FMO2: variants seen among roughly 807,000 people sequenced by gnomAD.
The protein encoded by FMO2 is flavin containing dimethylaniline monoxygenase 2.
In FMO2, 33 loss-of-function variants were observed where a neutral mutation model predicts 41.6. The observed-to-expected ratio is 0.79, with a 90% CI of 0.60 to 1.06. The LOEUF (loss-of-function observed/expected upper bound fraction) is 1.06, where lower values mean the gene tolerates loss of function less well. FMO2 is among the 50% of genes least tolerant of loss of function. The pLI is 0.00. For missense variants in FMO2, 619 were observed against 632.9 expected, an observed-to-expected ratio of 0.98 and a Z score of 0.23; for synonymous variants, 214 against 219.6, an observed-to-expected ratio of 0.97 and a Z score of 0.23.
Position 171,193,547 on chromosome 1 carries a change from G to T in FMO2, c.321+24G>T, listed in dbSNP as rs187878873. The T allele has an allele frequency of 4.1e-6, 6 of 1,466,074 alleles. No homozygotes were observed. The East Asian group carries it at 1.4e-4, about 33-fold the overall frequency. 90.8% of individuals were successfully genotyped at this position (1,466,074 alleles called of 1,614,324 possible). A position where few individuals can be genotyped will look rare whatever the true frequency, so the allele number is the denominator to read the frequency against. On this transcript the variant is annotated intron_variant, in intron 3 of 8. Coordinates refer to ENST00000209929, the MANE Select transcript of FMO2 (RefSeq NM_001460.5). ...AGGTATTGTATTTTTGGGGAAATGG[G>T]TTTCTCTGCATTAGTTCAGCTCATA...
chr1:171,193,612 G>A, intron 3 of FMO2, 89 bp downstream of exon 3: 1 of 846,248 alleles, frequency 1.2e-6, no homozygotes, highest in Non-Finnish European at 1.9e-6. Flanking sequence ...AAGCAATTAT[G>A]AATGAAGTAT....
Position 171,208,795 on chromosome 1 carries a change from T to G in FMO2, c.1258T>G (p.Phe420Val). 6.2e-7 allele frequency: 1 copy of G among 1,613,562 alleles called. No homozygotes were observed. ...TCCCTTTTTACTTTCTTCACTAAGG[T>G]TTGGAGAAAGCCAGAGCCAGACGTT... The part of the protein sequence containing the change: ...IKRNEKRIDL[F>V]GESQSQTLQT... The change falls in exon 9 of 9, where the codon TTT becomes GTT. Residue 420 changes from phenylalanine (F) to valine (V), a missense_variant and splice_region_variant. Transcript: ENST00000209929.
intron 5 of FMO2, among the ~76,000 whole-genome samples, chr1:171,201,300 TTC>T (rs1352469077): frequency 6.6e-6 from 1 of 152,170 alleles, no homozygotes; most frequent in African/African-American, 2.4e-5. Context: ...ACATAATAGA[TTC>T]CTCCTAAATA....
intron 4 of FMO2, among the ~76,000 whole-genome samples, chr1:171,198,013 G>A (rs1658370800): frequency 6.6e-6 from 1 of 152,188 alleles, no homozygotes. Context: ...GACAAATTAA[G>A]ACAGCAGCTC....
intron 8 of FMO2, 97 bp from the exon 9 acceptor site, chr1:171,208,697 C>T (rs575255701): frequency 3.6e-6 from 4 of 1,111,776 alleles, no homozygotes; most frequent in South Asian, 1.5e-5. Context: ...TTCACATATT[C>T]ACTCATTCCT....
intron 6 of FMO2, among the ~76,000 whole-genome samples, chr1:171,204,334 G>C (rs774880521): frequency 2.0e-5 from 3 of 152,110 alleles, no homozygotes; most frequent in Non-Finnish European, 4.4e-5. Context: ...ATCTAACATT[G>C]GAGAAAACTG....
intron 3 of FMO2, among the ~76,000 whole-genome samples, chr1:171,194,026 C>T (rs1054570538): frequency 5.9e-5 from 9 of 152,128 alleles, no homozygotes; most frequent in South Asian, 2.1e-4. Flanking sequence ...GTGATCCACC[C>T]GCCTCGGCCC....
At chr1:171,186,606 G>A (rs189593295) in intron 2 of FMO2, among the ~76,000 whole-genome samples, 2 of 152,264 alleles carry the variant, frequency 1.3e-5, no homozygotes, top group African/African-American at 2.4e-5. Flanking sequence ...AACAGCATGA[G>A]GGTAGCTGCC....
intron 5 of FMO2, among the ~76,000 whole-genome samples, chr1:171,200,506 A>C (rs776506990): frequency 1.3e-5 from 2 of 152,148 alleles, no homozygotes; most frequent in African/African-American, 4.8e-5. Context: ...GGCCCTGTGC[A>C]CAACCAACAA....
intron 6 of FMO2, among the ~76,000 whole-genome samples, chr1:171,204,926 A>C (rs543060776): frequency 1.3e-5 from 2 of 152,322 alleles, no homozygotes; most frequent in African/African-American, 4.8e-5. Flanking sequence ...AAATAATAAA[A>C]GCTAGATAGC....
intron 3 of FMO2, among the ~76,000 whole-genome samples, chr1:171,194,385 T>C (rs1451281088): frequency 3.9e-5 from 6 of 152,252 alleles, no homozygotes; most frequent in African/African-American, 1.4e-4. Context: ...AAAAGCAATA[T>C]TTTAATTAAG....
At chr1:171,189,387 C>G (rs1236377601) in intron 2 of FMO2, among the ~76,000 whole-genome samples, 1 of 152,050 alleles carries the variant, frequency 6.6e-6, no homozygotes, top group Non-Finnish European at 1.5e-5. Context: ...TTTGGCTCCC[C>G]CAAGATCCAA....
intron 5 of FMO2, among the ~76,000 whole-genome samples, 162 bp from the exon 6 acceptor site, chr1:171,203,703 G>A (rs899259581): frequency 1.3e-5 from 2 of 152,112 alleles, no homozygotes; most frequent in Non-Finnish European, 1.5e-5. Context: ...AAATGCCACT[G>A]GGTACCCCTA....
chr1:171,188,245 G>C (rs1221185800), intron 2 of FMO2, among the ~76,000 whole-genome samples: 1 of 152,024 alleles, frequency 6.6e-6, no homozygotes, highest in Non-Finnish European at 1.5e-5. Flanking sequence ...AATATGATTT[G>C]ATGAATTCTA....
intron 2 of FMO2, among the ~76,000 whole-genome samples, chr1:171,191,157 A>G (rs905083428): frequency 1.4e-5 from 2 of 147,210 alleles, no homozygotes; most frequent in African/African-American, 5.1e-5. Context: ...AAAAAAAAAA[A>G]GGGATTATCA....
Position 171,196,775 on chromosome 1 carries a change from C to G in FMO2, c.448C>G (p.His150Asp). Residue 150 changes from histidine to aspartate, a missense_variant, in exon 4 of 9, where the codon CAC (histidine) becomes GAC (aspartate). Transcript: ENST00000209929. ...CGCAGTTATGGTTTGCAGTGGCCAC[C>G]ACATTCTACCTCATATCCCACTGAA... ...FDAVMVCSGH[H>D]ILPHIPLKSF... 1 of 1,613,526 alleles carries G rather than the reference C, an allele frequency of 6.2e-7. No individual in the cohort carries two copies. Among genetic ancestry groups the G allele is most frequent in the Non-Finnish European group, 8.5e-7 (1 of 1,179,784 alleles).
chr1:171,205,246 T>A, intron 6 of FMO2, 33 bp from the exon 7 acceptor site: 1 of 1,365,172 alleles, frequency 7.3e-7, no homozygotes. Context: ...CAGCAAATGA[T>A]CCTTCAGAAT....
intron 6 of FMO2, among the ~76,000 whole-genome samples, chr1:171,204,895 TA>T (rs1285327214): frequency 6.6e-6 from 1 of 152,076 alleles, no homozygotes; most frequent in African/African-American, 2.4e-5. Flanking sequence ...TATGATCAAA[TA>T]GGGGTTAAAT....
intron 5 of FMO2, among the ~76,000 whole-genome samples, chr1:171,200,919 G>T (rs1194400219): frequency 6.6e-6 from 1 of 152,142 alleles, no homozygotes; most frequent in African/African-American, 2.4e-5. Flanking sequence ...AGCTAATATA[G>T]CAGTCAGCCA....
Sources: gnomAD v4.1 joint callset for allele counts (sites outside exome capture counted in the v4.1 genomes callset) on GRCh38, gnomAD v4.1.1 for gene constraint, MANE v1.5 for transcripts, NCBI Gene and HGNC (gene_info 2026-07-23, HGNC 2026-07-21) for gene names.